Variants in PLPPR1 observed in about 807,000 individuals in gnomAD.
PLPPR1 encodes phospholipid phosphatase related 1, also known as phospholipid phosphatase-related protein type 1.
Under a neutral mutation model 33.1 loss-of-function variants are expected in PLPPR1, and 10 were observed. The ratio of observed to expected loss-of-function variants is 0.30; its 90% CI spans 0.19 to 0.51. The LOEUF is 0.51. PLPPR1 is among the 20% of genes least tolerant of loss of function. The pLI is 0.97. For synonymous variants in PLPPR1, 151 were observed against 151.0 expected (o/e 1.00, Z 0.00); for missense variants, 304 against 408.1 (o/e 0.74, Z 2.20).
At chr9:101,040,839 A>G (rs1324830748) in intron 1 of PLPPR1, among the ~76,000 whole-genome samples, 1 of 152,162 alleles carries the variant, frequency 6.6e-6, no homozygotes, top group South Asian at 2.1e-4. Flanking sequence ...TATTTTGTCC[A>G]TTGTTATACC....
intron 7 of PLPPR1, among the ~76,000 whole-genome samples, chr9:101,323,195 A>T (rs1189696322): frequency 6.6e-6 from 1 of 152,132 alleles, no homozygotes; most frequent in Non-Finnish European, 1.5e-5. Context: ...TTATATAGAG[A>T]ATAAGTTTAG....
intron 2 of PLPPR1, among the ~76,000 whole-genome samples, chr9:101,217,809 C>T (rs1826833877): frequency 6.6e-6 from 1 of 151,886 alleles, no homozygotes; most frequent in African/African-American, 2.4e-5. Flanking sequence ...TAAACAATTG[C>T]CTATTAACAG....
intron 1 of PLPPR1, among the ~76,000 whole-genome samples, chr9:101,152,900 G>A (rs979636828): frequency 5.4e-4 from 82 of 152,236 alleles, no homozygotes; most frequent in African/African-American, 1.9e-3. Flanking sequence ...TTGGTTCCAT[G>A]TGAACTTTAA....
At chr9:101,220,347 A>T (rs2118788285) in intron 2 of PLPPR1, among the ~76,000 whole-genome samples, 1 of 152,340 alleles carries the variant, frequency 6.6e-6, no homozygotes, top group Admixed American at 6.5e-5. Context: ...CTTCAACTAT[A>T]AAAGGATGTT....
rs1220857038 is a variant in PLPPR1 at position 101,286,558 on chromosome 9, G to A, written c.385+322G>A. ...GGGTTGGGGTGGGGGAGCATCAGGG[G>A]ACGCCAATAAAATAAATTTAGAAAT... On this transcript the variant is annotated intron_variant, in intron 4 of 7. Transcript: ENST00000374874. Among the ~76,000 whole-genome samples the A allele has an allele frequency of 2.0e-5, 3 of 152,220 alleles. No individual in the cohort carries two copies. The East Asian group carries it at 5.8e-4, about 29-fold the overall frequency.
intron 2 of PLPPR1, among the ~76,000 whole-genome samples, chr9:101,225,356 C>T (rs1174680531): frequency 6.6e-6 from 1 of 152,068 alleles, no homozygotes; most frequent in Non-Finnish European, 1.5e-5. Flanking sequence ...TGCCACTGCT[C>T]ACACTGTGGC....
intron 4 of PLPPR1, among the ~76,000 whole-genome samples, chr9:101,288,539 AGGG>A (rs1266227521): frequency 6.6e-6 from 1 of 152,022 alleles, no homozygotes; most frequent in Non-Finnish European, 1.5e-5. Flanking sequence ...TGAAAGGCAA[AGGG>A]GATTGCTGGG....
intron 2 of PLPPR1, among the ~76,000 whole-genome samples, chr9:101,197,334 A>G (rs973490814): frequency 2.6e-5 from 4 of 152,162 alleles, no homozygotes; most frequent in Admixed American, 2.0e-4. Flanking sequence ...CCTGCTCCCA[A>G]ACTTGATGTC....
chr9:101,286,927 AC>A (rs1356168531), intron 4 of PLPPR1, among the ~76,000 whole-genome samples: 2 of 152,150 alleles, frequency 1.3e-5, no homozygotes. Context: ...TCCTACAAAT[AC>A]CTCCTGACCA....
At chr9:101,157,723 C>T (rs916687019) in intron 1 of PLPPR1, among the ~76,000 whole-genome samples, 5 of 152,136 alleles carry the variant, frequency 3.3e-5, no homozygotes, top group Non-Finnish European at 5.9e-5. Flanking sequence ...TTATAGGGGC[C>T]GGGCATGGTG....
chr9:101,286,147 G>A lies in PLPPR1; in HGVS notation c.296G>A (p.Arg99Lys). The change falls in exon 4 of 8, where the codon AGA becomes AAA. Residue 99 changes from arginine to lysine, a missense_variant. Physicochemically the swap from Arg to Lys is conservative, Grantham distance 26 (BLOSUM62 2). Coordinates refer to ENST00000374874, the MANE Select transcript of PLPPR1 (RefSeq NM_207299.2). ...EISMYFIKSTRESLIAQEKTI... is the reference protein window; with the variant it reads ...EISMYFIKSTKESLIAQEKTI... ...TCCATGTATTTCATAAAATCAACAA[G>A]AGAATCCCTGATTGCTCAGGAGAAA... 1 of 1,612,788 alleles carries A rather than the reference G, an allele frequency of 6.2e-7. No homozygotes were observed. Among genetic ancestry groups the A allele is most frequent in the South Asian group, 1.1e-5 (1 of 91,038 alleles).
chr9:101,215,823 A>AT (rs71308221), intron 2 of PLPPR1, among the ~76,000 whole-genome samples: 41,797 of 151,674 alleles, frequency 0.28, 5,978 homozygotes, highest in Admixed American at 0.35. Flanking sequence ...ACAGGATTTT[A>AT]TTTTTTTTAT....
At chr9:101,321,351 C>A (rs540388646) in intron 7 of PLPPR1, among the ~76,000 whole-genome samples, 5 of 152,228 alleles carry the variant, frequency 3.3e-5, no homozygotes, top group African/African-American at 1.2e-4. Flanking sequence ...TAAAACATTA[C>A]CTCAAATTTG....
chr9:101,299,609 A>G (rs974014834), intron 4 of PLPPR1, among the ~76,000 whole-genome samples: 1 of 146,196 alleles, frequency 6.8e-6, no homozygotes, highest in Non-Finnish European at 1.5e-5. Flanking sequence ...GAGTCATATG[A>G]GACTAGTGAT....
chr9:101,166,346 C>T (rs917653151), intron 1 of PLPPR1, among the ~76,000 whole-genome samples: 27 of 152,214 alleles, frequency 1.8e-4, no homozygotes, highest in African/African-American at 6.5e-4. Context: ...GCATTATAGG[C>T]TCTGGGGAGA....
chr9:101,078,654 C>T (rs1243124457), intron 1 of PLPPR1, among the ~76,000 whole-genome samples: 1 of 151,974 alleles, frequency 6.6e-6, no homozygotes, highest in Non-Finnish European at 1.5e-5. Context: ...GATGGTACCA[C>T]TACACTCCAG....
At chr9:101,167,186 TTC>T (rs1343906630) in intron 1 of PLPPR1, among the ~76,000 whole-genome samples, 33 of 23,156 alleles carry the variant, frequency 1.4e-3, no homozygotes, top group African/African-American at 3.1e-3. Flanking sequence ...GTGTGTGTCT[TTC>T]TCTCTCTCTC....
intron 1 of PLPPR1, among the ~76,000 whole-genome samples, chr9:101,087,187 A>T (rs1160916647): frequency 1.3e-5 from 2 of 150,988 alleles, no homozygotes; most frequent in Non-Finnish European, 2.9e-5. Context: ...GTCTCAAAAA[A>T]AAAAAAATAA....
Position 101,288,405 on chromosome 9 carries a change from G to A in PLPPR1, c.385+2169G>A, listed in dbSNP as rs1023802088. On this transcript the variant is annotated intron_variant, in intron 4 of 7. Coordinates refer to ENST00000374874, the MANE Select transcript of PLPPR1 (RefSeq NM_207299.2). ...CTGGACCTTGGGAGGATAAGCCAGC[G>A]ACATTCAAATAAGGTGAGTTAGAGT... is the stretch of plus-strand genomic sequence containing the variant. Among the ~76,000 whole-genome samples the A allele has an allele frequency of 5.3e-5, 8 of 152,212 alleles. No individual in the cohort carries two copies. The South Asian group carries it at 1.7e-3, about 32-fold the overall frequency.
Sources: gnomAD v4.1 joint callset for allele counts (sites outside exome capture counted in the v4.1 genomes callset) on GRCh38, gnomAD v4.1.1 for gene constraint, MANE v1.5 for transcripts, NCBI Gene and HGNC (gene_info 2026-07-23, HGNC 2026-07-21) for gene names.